Variants in PWWP2A observed in about 807,000 individuals in gnomAD.
PWWP2A encodes PWWP domain containing 2A.
A neutral mutation model predicts 48.5 loss-of-function variants in PWWP2A; 18 were observed. That is an observed-to-expected ratio of 0.37 (90% CI 0.26 to 0.55). PWWP2A has a LOEUF of 0.55. Ranked by LOEUF, PWWP2A falls within the 20% of genes least tolerant of loss-of-function variation. PWWP2A has a pLI of 0.81. For missense variants in PWWP2A, 867 were observed against 976.4 expected, an observed-to-expected ratio of 0.89 and a Z score of 1.49; for synonymous variants, 396 against 387.7, an observed-to-expected ratio of 1.02 and a Z score of -0.25.
At chr5:160,064,795 A>G (rs2113431185) in intron 4 of PWWP2A, 3 of 934,806 alleles carry the variant, frequency 3.2e-6, no homozygotes, top group East Asian at 2.7e-5. Context: ...AGCTTTCATC[A>G]TATTAAAAGT....
chr5:160,089,222 C>A (rs1442702015), downstream of PWWP2A, among the ~76,000 whole-genome samples: 1 of 152,120 alleles, frequency 6.6e-6, no homozygotes, highest in Admixed American at 6.6e-5. Flanking sequence ...GAGCCAGGGT[C>A]TCACTCTTGC....
chr5:160,060,814 G>C (rs1033344630), downstream of PWWP2A, among the ~76,000 whole-genome samples: 4 of 152,186 alleles, frequency 2.6e-5, no homozygotes, highest in Admixed American at 1.3e-4. Flanking sequence ...AAAACTTGTT[G>C]ATTCTACCAT....
chr5:160,058,798 GT>G (rs1757618429), downstream of PWWP2A, among the ~76,000 whole-genome samples: 1 of 152,170 alleles, frequency 6.6e-6, no homozygotes, highest in African/African-American at 2.4e-5. Context: ...GTGTTAGGAG[GT>G]TTGAAAACAA....
In PWWP2A at chr5:160,093,377, G is replaced by A; in HGVS notation, c.1273C>T (p.His425Tyr). ...TTTAACACTTCCCGAGCTTTCGCAT[G>A]ATCCATGTTCTTACTCTGGAGAACT... Reference protein sequence around the residue: ...KKVLQSKNMDHAKAREVLKIA... With the variant: ...KKVLQSKNMDYAKAREVLKIA... The change falls in exon 2 of 2, where the codon CAT becomes TAT. Residue 425 changes from histidine to tyrosine, a missense_variant. Transcript: ENST00000307063. This position sits in a 1 kb window ranked among gnomAD's most constrained non-coding sequence, Gnocchi z 5.8. The A allele has an allele frequency of 1.9e-6, 3 of 1,613,902 alleles. No individual in the cohort carries two copies. The highest frequency in any genetic ancestry group is 2.5e-6 in the Non-Finnish European group (3 of 1,179,824).
At position 160,119,167 on chromosome 5, in the gene PWWP2A, C is replaced by CGGCGGCGGT. The variant is rs778027669; in HGVS notation, c.213_221dup (p.Pro73_Pro75dup). ...CTGGGCTGCGGGCGAGCTCCCCCGG[C>CGGCGGCGGT]GGCGGCGGTGGCGGCGGGAGCGGCG... On this transcript the variant is annotated inframe_insertion, in exon 1 of 2. Coordinates refer to ENST00000307063, the MANE Select transcript of PWWP2A (RefSeq NM_001130864.2). 3.3e-4 allele frequency: 500 copies of CGGCGGCGGT among 1,526,474 alleles called. 5 individuals are homozygous for CGGCGGCGGT. The Middle Eastern group carries it at 4.0e-3, about 12-fold the overall frequency. 94.6% of individuals were successfully genotyped at this position (1,526,474 alleles called of 1,614,324 possible).
chr5:160,100,418 T>C (rs923431911), intron 1 of PWWP2A, among the ~76,000 whole-genome samples: 2 of 152,120 alleles, frequency 1.3e-5, no homozygotes, highest in East Asian at 1.9e-4. Context: ...TGAGCCATGA[T>C]TGGACCAATG....
At chr5:160,058,560 A>G (rs1052889565), downstream of PWWP2A, among the ~76,000 whole-genome samples, 1 of 151,792 alleles carries the variant, frequency 6.6e-6, no homozygotes, top group African/African-American at 2.4e-5. Flanking sequence ...ACAGGTGCCC[A>G]CCACCAAGCC....
In PWWP2A at chr5:160,065,103, G is replaced by A. The variant is rs886398922; in HGVS notation, c.*237-1430C>T. On this transcript the variant is annotated intron_variant and NMD_transcript_variant, in intron 4 of 5. Coordinates refer to the PWWP2A transcript ENST00000524050. The stretch of plus-strand genomic sequence containing the variant: ...AAGCTTTACAAGCTGACTTGGAATT[G>A]TGTGCTGCTTGCTGTTAGCTAGGGG... The A allele has an allele frequency of 9.4e-6, 15 of 1,597,852 alleles. No individual in the cohort carries two copies. In the African/African-American group the frequency reaches 1.6e-4, roughly 17 times the overall value.
At chr5:160,047,075 A>C in the PWWP2A span, among the ~76,000 whole-genome samples, 6 of 152,210 alleles carry the variant, frequency 3.9e-5, no homozygotes, top group African/African-American at 1.4e-4. Flanking sequence ...TTTCATAAAG[A>C]TAAAAGCCAA....
At chr5:160,089,665 A>G (rs2113511852), downstream of PWWP2A, 4 of 1,285,306 alleles carry the variant, frequency 3.1e-6, no homozygotes, top group South Asian at 5.0e-5. Flanking sequence ...GAGAATTTCC[A>G]GAAATAAAGA....
chr5:160,061,528 AATCT>A (rs1446037794), downstream of PWWP2A, among the ~76,000 whole-genome samples: 1 of 152,226 alleles, frequency 6.6e-6, no homozygotes, highest in Non-Finnish European at 1.5e-5. Context: ...TGGTTGAATT[AATCT>A]ATGTCAGGTG....
In PWWP2A at chr5:160,080,649, A is replaced by G; in HGVS notation, c.1669+2T>C. The G allele has an allele frequency of 6.5e-7, 1 of 1,545,082 alleles. No individual in the cohort carries two copies. The highest frequency in any genetic ancestry group is 8.8e-7 in the Non-Finnish European group (1 of 1,140,098). On this transcript the variant is annotated splice_donor_variant, in intron 3 of 3. Transcript: ENST00000456329. LOFTEE classifies it high-confidence loss of function. ...TTGTGGCAGGGCTTAAAACAGACAG[A>G]CCTGCCCGTTTCACTGTTAACTTCA... is the stretch of plus-strand genomic sequence containing the variant.
intron 3 of PWWP2A, among the ~76,000 whole-genome samples, chr5:160,079,178 C>T (rs1754055275): frequency 6.6e-6 from 1 of 151,996 alleles, no homozygotes; most frequent in African/African-American, 2.4e-5. Context: ...ACAAGGAAAA[C>T]AGAAAAACCA....
At chr5:160,069,600 G>A (rs1753694768) in intron 2 of PWWP2A, among the ~76,000 whole-genome samples, 1 of 152,176 alleles carries the variant, frequency 6.6e-6, no homozygotes, top group Admixed American at 6.5e-5. Flanking sequence ...AGTGGCTCAA[G>A]CCTGTGTAAT....
At chr5:160,064,936 A>G in intron 4 of PWWP2A, 2 of 1,606,836 alleles carry the variant, frequency 1.2e-6, no homozygotes. Context: ...TTACAGGTAA[A>G]TTAAAAGATC....
Position 160,092,267 on chromosome 5 carries a change from A to G in PWWP2A, c.*115T>C, listed in dbSNP as rs1755160130. 2 of 1,428,844 alleles carry G rather than the reference A, an allele frequency of 1.4e-6. No individual in the cohort carries two copies. Among genetic ancestry groups the G allele is most frequent in the Non-Finnish European group, 1.8e-6 (2 of 1,091,192 alleles). 88.5% of individuals were successfully genotyped at this position (1,428,844 alleles called of 1,614,324 possible). A position where few individuals can be genotyped will look rare whatever the true frequency, so the allele number is the denominator to read the frequency against. On this transcript the variant is annotated 3_prime_UTR_variant, in exon 2 of 2. Coordinates refer to ENST00000307063, the MANE Select transcript of PWWP2A (RefSeq NM_001130864.2). ...AAGGTAAGTATTAAAAAGCCAGCCA[A>G]CTGAGTGCAACTTCTCTCTCCAATC...
chr5:160,054,726 G>A, the PWWP2A span, among the ~76,000 whole-genome samples: 2 of 152,092 alleles, frequency 1.3e-5, no homozygotes, highest in Admixed American at 1.3e-4. Flanking sequence ...GAATAATCAG[G>A]TTAGTTTGAG....
chr5:160,116,229 A>T (rs1209699421), intron 1 of PWWP2A, among the ~76,000 whole-genome samples: 2 of 151,864 alleles, frequency 1.3e-5, no homozygotes, highest in South Asian at 2.1e-4. Context: ...TAAGTTTTAT[A>T]TTTTTTTCGT....
chr5:160,045,957 G>A, the PWWP2A span, among the ~76,000 whole-genome samples: 4 of 152,098 alleles, frequency 2.6e-5, no homozygotes, highest in South Asian at 4.1e-4. Context: ...TGGCCAGGCT[G>A]CTCTCGAACT....
Sources: gnomAD v4.1 joint callset for allele counts (sites outside exome capture counted in the v4.1 genomes callset) on GRCh38, gnomAD v4.1.1 for gene constraint, Gnocchi (gnomAD v3.1) non-coding constraint, MANE v1.5 for transcripts, NCBI Gene and HGNC (gene_info 2026-07-23, HGNC 2026-07-21) for gene names.